The following NRG3 variants were observed in gnomAD, a reference collection of about 807,000 sequenced individuals.
NRG3 encodes neuregulin 3.
NRG3 carries 31 observed loss-of-function variants against 66.9 expected under a neutral mutation model. That is an observed-to-expected ratio of 0.46 (90% CI 0.35 to 0.63). The LOEUF (loss-of-function observed/expected upper bound fraction) is 0.63. Ranked by LOEUF, NRG3 falls within the 20% of genes least tolerant of loss-of-function variation. NRG3 has a pLI of 0.00. For missense variants in NRG3, 910 were observed against 878.9 expected, an observed-to-expected ratio of 1.04 and a Z score of -0.45; for synonymous variants, 393 against 359.4, an observed-to-expected ratio of 1.09 and a Z score of -1.06.
intron 4 of NRG3, among the ~76,000 whole-genome samples, chr10:82,933,348 A>G (rs1045621330): frequency 2.0e-5 from 3 of 152,166 alleles, no homozygotes; most frequent in Non-Finnish European, 2.9e-5. Context: ...AGAAAGAAGT[A>G]TGGTTGTACC....
chr10:82,935,986 C>T (rs1848031942), intron 4 of NRG3, among the ~76,000 whole-genome samples: 1 of 151,944 alleles, frequency 6.6e-6, no homozygotes, highest in Non-Finnish European at 1.5e-5. Flanking sequence ...TTAATAGTTA[C>T]ATGGGTAGAG....
chr10:82,729,218 T>C (rs2057768067), intron 2 of NRG3, among the ~76,000 whole-genome samples: 1 of 152,184 alleles, frequency 6.6e-6, no homozygotes, highest in African/African-American at 2.4e-5. Flanking sequence ...ACAATAGATC[T>C]TTTGTATACT....
chr10:82,035,076 T>G (rs1258239173), intron 1 of NRG3, among the ~76,000 whole-genome samples: 3 of 152,080 alleles, frequency 2.0e-5, no homozygotes, highest in Admixed American at 6.6e-5. Flanking sequence ...TTTGATTTTC[T>G]TTACCAAGCT....
intron 2 of NRG3, among the ~76,000 whole-genome samples, chr10:82,726,071 G>C: frequency 6.6e-6 from 1 of 152,240 alleles, no homozygotes; most frequent in East Asian, 1.9e-4. Flanking sequence ...TCAGCAAGAA[G>C]GTGGGGTCTG....
chr10:81,974,692 G>A (rs1403842098), intron 1 of NRG3, among the ~76,000 whole-genome samples: 1 of 152,108 alleles, frequency 6.6e-6, no homozygotes, highest in Non-Finnish European at 1.5e-5. Flanking sequence ...TAATCTGAGA[G>A]TGGAGTTTTT....
chr10:82,255,203 G>A (rs1395519400), intron 1 of NRG3, among the ~76,000 whole-genome samples: 2 of 152,126 alleles, frequency 1.3e-5, no homozygotes, highest in Non-Finnish European at 2.9e-5. Flanking sequence ...AGACAAATTC[G>A]AATCATGGGC....
In NRG3 at chr10:81,876,175, C is replaced by G. The variant is rs1451469823; in HGVS notation, c.823+12C>G. 3 of 1,563,312 alleles carry G rather than the reference C, an allele frequency of 1.9e-6. No individual in the cohort carries two copies. The highest frequency in any genetic ancestry group is 1.7e-6 in the Non-Finnish European group (2 of 1,154,148). On this transcript the variant is annotated intron_variant, in intron 1 of 8. Coordinates refer to ENST00000372141, the MANE Select transcript of NRG3 (RefSeq NM_001010848.4). ...CAGCCCCAAATTTCGTAAGTAAACA[C>G]TGTGTCTCAACTATGATTTACTACT... is the stretch of plus-strand genomic sequence containing the variant.
chr10:82,523,104 T>A (rs1428796997), intron 2 of NRG3, among the ~76,000 whole-genome samples: 1 of 152,232 alleles, frequency 6.6e-6, no homozygotes, highest in Admixed American at 6.5e-5. Flanking sequence ...CAGTACTTTA[T>A]TATGGAGCAA....
At chr10:82,612,833 T>C (rs772446664) in intron 2 of NRG3, among the ~76,000 whole-genome samples, 2 of 152,224 alleles carry the variant, frequency 1.3e-5, no homozygotes, top group African/African-American at 2.4e-5. Flanking sequence ...TCAAAATATG[T>C]ATTAGTGTTC....
chr10:82,473,409 A>G (rs1394438062), intron 2 of NRG3, among the ~76,000 whole-genome samples: 2 of 152,236 alleles, frequency 1.3e-5, no homozygotes, highest in African/African-American at 4.8e-5. Context: ...TTTTCAGTTT[A>G]AAAGAGTCAA....
chr10:82,003,956 C>T (rs920483767), intron 1 of NRG3, among the ~76,000 whole-genome samples: 4 of 149,756 alleles, frequency 2.7e-5, no homozygotes, highest in Non-Finnish European at 5.9e-5. Context: ...AGTTCAAGTC[C>T]AGCCTGGGTG....
At chr10:82,099,713 C>T (rs2066605229) in intron 1 of NRG3, among the ~76,000 whole-genome samples, 1 of 152,018 alleles carries the variant, frequency 6.6e-6, no homozygotes, top group South Asian at 2.1e-4. Flanking sequence ...GCTCACATCT[C>T]TAATATCAAC....
At chr10:82,511,422 G>T (rs1206417773) in intron 2 of NRG3, among the ~76,000 whole-genome samples, 1 of 152,160 alleles carries the variant, frequency 6.6e-6, no homozygotes, top group East Asian at 1.9e-4. Context: ...GATGCACTTT[G>T]AAAAGTGTTG....
chr10:82,016,834 T>A (rs1267443447), intron 1 of NRG3, among the ~76,000 whole-genome samples: 1 of 152,118 alleles, frequency 6.6e-6, no homozygotes, highest in Non-Finnish European at 1.5e-5. Context: ...ATTTGACCAA[T>A]AAAACAATAG....
At chr10:81,923,012 G>T (rs1464427862) in intron 1 of NRG3, among the ~76,000 whole-genome samples, 1 of 152,146 alleles carries the variant, frequency 6.6e-6, no homozygotes, top group Non-Finnish European at 1.5e-5. Context: ...AATGTTTTCA[G>T]TGGTGGTTAC....
At chr10:82,443,990 A>G (rs1445238634) in intron 2 of NRG3, among the ~76,000 whole-genome samples, 1 of 152,244 alleles carries the variant, frequency 6.6e-6, no homozygotes, top group East Asian at 1.9e-4. Context: ...ACTTTTCTAT[A>G]TCAAAGTATC....
chr10:82,261,075 G>C (rs904533621), intron 1 of NRG3, among the ~76,000 whole-genome samples: 6 of 152,126 alleles, frequency 3.9e-5, no homozygotes, highest in Non-Finnish European at 7.3e-5. Flanking sequence ...AAAAGAGCTA[G>C]AGACTGATAT....
intron 2 of NRG3, among the ~76,000 whole-genome samples, chr10:82,619,261 G>T (rs536513716): frequency 7.2e-5 from 11 of 152,146 alleles, no homozygotes; most frequent in South Asian, 2.1e-4. Context: ...TTGAAATCTG[G>T]CACCATTATG....
chr10:82,505,419 A>G (rs1209259812), intron 2 of NRG3, among the ~76,000 whole-genome samples: 2 of 152,202 alleles, frequency 1.3e-5, no homozygotes, highest in African/African-American at 4.8e-5. Flanking sequence ...CAGTGTTTTA[A>G]CAACTGGTAT....
Sources: allele counts gnomAD v4.1 joint callset (sites outside exome capture counted in the v4.1 genomes callset), GRCh38; gene constraint gnomAD v4.1.1; transcripts MANE v1.5; gene names NCBI Gene and HGNC (gene_info 2026-07-23, HGNC 2026-07-21).